Variants in KHDRBS2 observed in about 807,000 individuals in gnomAD.
KHDRBS2 encodes KH RNA binding domain containing, signal transduction associated 2.
Under a neutral mutation model 44.3 loss-of-function variants are expected in KHDRBS2, and 26 were observed. The observed-to-expected ratio is 0.59, with a 90% CI of 0.43 to 0.81. The LOEUF is 0.81. Among genes scored for constraint, KHDRBS2 ranks in the 40% least tolerant of loss-of-function variants. The pLI, the probability that KHDRBS2 is intolerant of heterozygous loss-of-function variation, is 0.00. For synonymous variants in KHDRBS2, 194 were observed against 151.1 expected, an observed-to-expected ratio of 1.28 and a Z score of -2.08; for missense variants, 476 against 433.1, an observed-to-expected ratio of 1.10 and a Z score of -0.88.
intron 2 of KHDRBS2, among the ~76,000 whole-genome samples, chr6:62,159,785 A>C (rs903747804): frequency 6.6e-6 from 1 of 152,226 alleles, no homozygotes; most frequent in Admixed American, 6.5e-5. Flanking sequence ...ATAAAATGCT[A>C]TTAAGAAAAT....
chr6:61,615,005 G>A, the KHDRBS2 span, among the ~76,000 whole-genome samples: 1 of 152,036 alleles, frequency 6.6e-6, no homozygotes, highest in Non-Finnish European at 1.5e-5. Flanking sequence ...AGACTGAGGT[G>A]GGTGGATCAT....
At chr6:62,053,414 G>A (rs1357928439) in intron 2 of KHDRBS2, among the ~76,000 whole-genome samples, 1 of 151,792 alleles carries the variant, frequency 6.6e-6, no homozygotes, top group Non-Finnish European at 1.5e-5. Flanking sequence ...GCTAAGTCCT[G>A]TTGTATGTAC....
At chr6:61,625,731 T>C in the KHDRBS2 span, among the ~76,000 whole-genome samples, 2 of 152,330 alleles carry the variant, frequency 1.3e-5, no homozygotes, top group Admixed American at 6.5e-5. Flanking sequence ...TCCTCTTTTT[T>C]ATTCTCTGCA....
chr6:62,283,957 T>C (rs9454845), intron 1 of KHDRBS2, among the ~76,000 whole-genome samples: 34,194 of 151,990 alleles, frequency 0.22, 5,247 homozygotes, highest in African/African-American at 0.44. Flanking sequence ...TACTTAGATG[T>C]TTTTCTCTAT....
At chr6:61,779,420 GA>G (rs1417532746) in intron 6 of KHDRBS2, among the ~76,000 whole-genome samples, 1 of 152,030 alleles carries the variant, frequency 6.6e-6, no homozygotes, top group Non-Finnish European at 1.5e-5. Context: ...ACTGGATTAA[GA>G]AAGCTGATTT....
chr6:61,973,028 C>G (rs547106030), intron 4 of KHDRBS2, among the ~76,000 whole-genome samples: 221 of 152,162 alleles, frequency 1.5e-3, no homozygotes, highest in Non-Finnish European at 2.2e-3. Context: ...CACCTGTAAT[C>G]CCAGCTAAGG....
At chr6:62,109,126 G>A (rs1213289571) in intron 2 of KHDRBS2, among the ~76,000 whole-genome samples, 1 of 150,776 alleles carries the variant, frequency 6.6e-6, no homozygotes, top group East Asian at 1.9e-4. Flanking sequence ...GCCAACAGTT[G>A]TATAAAAAGG....
intron 2 of KHDRBS2, among the ~76,000 whole-genome samples, chr6:62,164,062 G>T (rs566625954): frequency 6.6e-6 from 1 of 151,678 alleles, no homozygotes; most frequent in African/African-American, 2.4e-5. Context: ...TCTGAATGTG[G>T]TTTTTACATT....
In KHDRBS2 at chr6:61,931,198, A is replaced by G. The variant is rs79329168; in HGVS notation, c.484-29827T>C. Among the ~76,000 whole-genome samples the G allele has an allele frequency of 4.3e-4, 65 of 152,210 alleles. 1 individual carries two copies. Among genetic ancestry groups the G allele is most frequent in the African/African-American group, 1.5e-3 (64 of 41,584 alleles). On this transcript the variant is annotated intron_variant, in intron 4 of 8. Transcript: ENST00000281156. ...CATCTTCACTGAAAATCACTATAAG[A>G]AAATAGGGCTTGATTCCTTACATAC...
In KHDRBS2 at chr6:61,894,658, C is replaced by A. The variant is rs774041203; in HGVS notation, c.787G>T (p.Ala263Ser). The change falls in exon 6 of 9, where the codon GCC becomes TCC. Residue 263 changes from alanine to serine, a missense_variant. Transcript: ENST00000281156. ...ACATATTCTTCATAAGCTTCATGGG[C>A]TGGAGGAGGAGGTGCCCTGTATCCT... ...VPGYRAPPPP[A>S]HEAYEEYGYD... 2 of 1,612,254 alleles carry A rather than the reference C, an allele frequency of 1.2e-6. No homozygotes were observed. Among genetic ancestry groups the A allele is most frequent in the Non-Finnish European group, 8.5e-7 (1 of 1,179,444 alleles).
At chr6:61,735,588 TTATTGC>T (rs953537709) in intron 6 of KHDRBS2, among the ~76,000 whole-genome samples, 1 of 152,170 alleles carries the variant, frequency 6.6e-6, no homozygotes, top group African/African-American at 2.4e-5. Flanking sequence ...CCCCAACCTT[TTATTGC>T]TTCCCAAAAT....
chr6:62,176,522 T>C (rs535271046), intron 2 of KHDRBS2, among the ~76,000 whole-genome samples: 1 of 151,438 alleles, frequency 6.6e-6, no homozygotes, highest in East Asian at 1.9e-4. Context: ...TCTTTGAGTT[T>C]ACATTTTAGT....
chr6:62,073,542 T>TG (rs1322201694), intron 2 of KHDRBS2, among the ~76,000 whole-genome samples: 1 of 149,570 alleles, frequency 6.7e-6, no homozygotes, highest in Non-Finnish European at 1.5e-5. Context: ...TTTTTTTTTT[T>TG]TTTGTTTTAT....
intron 6 of KHDRBS2, among the ~76,000 whole-genome samples, chr6:61,740,388 T>G (rs1328969159): frequency 1.3e-5 from 2 of 151,750 alleles, no homozygotes; most frequent in Admixed American, 1.3e-4. Context: ...GCAGAAAGGG[T>G]CAGGTCTGAA....
At chr6:61,634,765 A>T in the KHDRBS2 span, among the ~76,000 whole-genome samples, 474 of 152,170 alleles carry the variant, frequency 3.1e-3, 2 homozygotes, top group Non-Finnish European at 5.7e-3. Context: ...GATAATTTCC[A>T]TTTCTGTAGT....
At chr6:62,037,094 A>C (rs1185558792) in intron 3 of KHDRBS2, among the ~76,000 whole-genome samples, 1 of 151,948 alleles carries the variant, frequency 6.6e-6, no homozygotes, top group Non-Finnish European at 1.5e-5. Flanking sequence ...AATCTTTCTT[A>C]AATGATAATA....
chr6:61,644,984 A>C, the KHDRBS2 span, among the ~76,000 whole-genome samples: 1 of 152,106 alleles, frequency 6.6e-6, no homozygotes, highest in Non-Finnish European at 1.5e-5. Context: ...CAAAAGAATA[A>C]AAATTATTCT....
intron 1 of KHDRBS2, among the ~76,000 whole-genome samples, chr6:62,231,807 C>G (rs1323373493): frequency 6.6e-6 from 1 of 152,086 alleles, no homozygotes; most frequent in East Asian, 1.9e-4. Flanking sequence ...AGCATTTACT[C>G]TCAGTATTTA....
intron 4 of KHDRBS2, among the ~76,000 whole-genome samples, chr6:61,954,584 T>A (rs111209841): frequency 0.29 from 29,917 of 101,794 alleles, 4,261 homozygotes; most frequent in African/African-American, 0.38. Flanking sequence ...GTAGACATAT[T>A]TATGTATATA....
Sources: allele counts gnomAD v4.1 joint callset (sites outside exome capture counted in the v4.1 genomes callset), GRCh38; gene constraint gnomAD v4.1.1; transcripts MANE v1.5; gene names NCBI Gene and HGNC (gene_info 2026-07-23, HGNC 2026-07-21).